The following USH2A variants were observed in gnomAD, a reference collection of about 807,000 sequenced individuals.
USH2A encodes usherin.
Under a neutral mutation model 538.9 loss-of-function variants are expected in USH2A, and 443 were observed. That is an observed-to-expected ratio of 0.82 (90% CI 0.76 to 0.89). The LOEUF is 0.89. Among genes scored for constraint, USH2A ranks in the 40% least tolerant of loss-of-function variants. The pLI is 0.00. For synonymous variants in USH2A, 2,413 were observed against 2,273.5 expected, an observed-to-expected ratio of 1.06 and a Z score of -1.75; for missense variants, 6,633 against 6,324.8, an observed-to-expected ratio of 1.05 and a Z score of -1.65.
rs1338661803 is a variant in USH2A, at chr1:215,888,723, T to C, written c.7926A>G (p.Ile2642Met). The change falls in exon 41 of 72, where the codon ATA (isoleucine) becomes ATG (methionine). Residue 2642 changes from isoleucine to methionine, a missense_variant. Physicochemically the swap from Ile to Met is conservative, Grantham distance 10. Coordinates refer to ENST00000307340, the MANE Select transcript of USH2A (RefSeq NM_206933.4). Reference protein sequence around the residue: ...LFSDTPTSVIISWQPPTHPNG... With the variant: ...LFSDTPTSVIMSWQPPTHPNG... ...TGGGGTGGGTAGGGGGTTGCCAAGA[T>C]ATAATCACAGATGTTGGAGTATCAG... is the stretch of plus-strand genomic sequence containing the variant. The C allele has an allele frequency of 6.2e-7, 1 of 1,614,122 alleles. No homozygotes were observed. Among genetic ancestry groups the C allele is most frequent in the South Asian group, 1.1e-5 (1 of 91,082 alleles).
chr1:215,801,844 G>A (rs1662343550), intron 49 of USH2A, among the ~76,000 whole-genome samples: 1 of 151,966 alleles, frequency 6.6e-6, no homozygotes, highest in Non-Finnish European at 1.5e-5. Flanking sequence ...CAAAGTTGGA[G>A]ATCTCCCACT....
rs148848581 is a variant in USH2A at position 216,325,400 on chromosome 1, C to T, written c.1048G>A (p.Val350Ile). ...ACATTTGAAACCCATGAAGTACCAACATCATTATCATTGACAAAAGAGAGA... is the reference window on the plus strand; with the variant it reads ...ACATTTGAAACCCATGAAGTACCAATATCATTATCATTGACAAAAGAGAGA... Reference protein sequence around the residue: ...HPLSFVNDNDVGTSWVSNVFT... With the variant: ...HPLSFVNDNDIGTSWVSNVFT... The change falls in exon 6 of 72, where the codon GTT (valine) becomes ATT (isoleucine). Residue 350 changes from valine (V) to isoleucine (I), a missense_variant. Transcript: ENST00000307340. 1.3e-5 allele frequency: 21 copies of T among 1,613,902 alleles called. No individual in the cohort carries two copies. In the East Asian group the frequency reaches 4.7e-4, roughly 36 times the overall value.
chr1:216,024,256 T>A (rs1181179665), intron 32 of USH2A, among the ~76,000 whole-genome samples: 6 of 151,990 alleles, frequency 3.9e-5, no homozygotes, highest in Admixed American at 3.9e-4. Flanking sequence ...TAAACATGAG[T>A]GAATCACTGG....
intron 37 of USH2A, among the ~76,000 whole-genome samples, chr1:215,942,730 T>TA (rs1237944364): frequency 6.6e-6 from 1 of 152,170 alleles, no homozygotes; most frequent in African/African-American, 2.4e-5. Context: ...AATTCCTTCT[T>TA]AGTATAGCGC....
chr1:216,127,764 T>C (rs1448427226), intron 21 of USH2A, among the ~76,000 whole-genome samples: 19 of 152,234 alleles, frequency 1.2e-4, no homozygotes, highest in Admixed American at 1.2e-3. Context: ...AATGCTGTTG[T>C]AGCAAAACTG....
chr1:215,816,968 G>T, intron 48 of USH2A, 29 bp downstream of exon 48: 1 of 1,607,600 alleles, frequency 6.2e-7, no homozygotes, highest in Non-Finnish European at 8.5e-7. Flanking sequence ...AGAAAAACAT[G>T]GTTCACTGAT....
chr1:215,929,939 AG>A, intron 38 of USH2A, among the ~76,000 whole-genome samples: 1 of 151,804 alleles, frequency 6.6e-6, no homozygotes, highest in Non-Finnish European at 1.5e-5. Flanking sequence ...GAGGGGGTTC[AG>A]GGGAAGGAGA....
intron 11 of USH2A, among the ~76,000 whole-genome samples, chr1:216,273,073 C>T (rs2036605940): frequency 6.6e-6 from 1 of 152,018 alleles, no homozygotes; most frequent in Non-Finnish European, 1.5e-5. Flanking sequence ...GCCCAGAAGC[C>T]TCCCAAAAAA....
intron 38 of USH2A, among the ~76,000 whole-genome samples, chr1:215,922,280 C>T (rs575615505): frequency 1.8e-4 from 28 of 152,218 alleles, no homozygotes; most frequent in South Asian, 4.2e-4. Context: ...TAGTGTTCCC[C>T]AGTGCATAAA....
intron 9 of USH2A, among the ~76,000 whole-genome samples, chr1:216,310,859 T>C (rs190936779): frequency 1.2e-3 from 178 of 152,322 alleles, no homozygotes; most frequent in Admixed American, 2.4e-3. Context: ...CTTTGTCTGT[T>C]TGGAGACATC....
At chr1:215,990,927 A>G (rs1174762459) in intron 35 of USH2A, among the ~76,000 whole-genome samples, 1 of 151,736 alleles carries the variant, frequency 6.6e-6, no homozygotes, top group Non-Finnish European at 1.5e-5. Flanking sequence ...ATGCCCGGCT[A>G]ATTTTTTGTA....
chr1:215,810,556 A>G (rs1337869663), intron 49 of USH2A, among the ~76,000 whole-genome samples: 1 of 152,176 alleles, frequency 6.6e-6, no homozygotes, highest in Non-Finnish European at 1.5e-5. Flanking sequence ...GGAAATGAAA[A>G]CACTATTACT....
intron 3 of USH2A, among the ~76,000 whole-genome samples, chr1:216,398,264 G>A (rs930408542): frequency 6.6e-6 from 1 of 152,098 alleles, no homozygotes; most frequent in Non-Finnish European, 1.5e-5. Context: ...ACAAATAAGT[G>A]TAAGATGACT....
chr1:216,420,389 G>T (rs1045334502), intron 2 of USH2A, among the ~76,000 whole-genome samples: 1 of 151,996 alleles, frequency 6.6e-6, no homozygotes, highest in Non-Finnish European at 1.5e-5. Flanking sequence ...TTAGGAACTG[G>T]ATTTATTCTG....
intron 11 of USH2A, among the ~76,000 whole-genome samples, chr1:216,277,917 G>A (rs959650731): frequency 1.3e-5 from 2 of 152,072 alleles, no homozygotes; most frequent in African/African-American, 4.8e-5. Flanking sequence ...AAGGAGGTAG[G>A]AACAGCTGTC....
intron 32 of USH2A, among the ~76,000 whole-genome samples, chr1:216,003,978 C>G (rs900991883): frequency 1.3e-5 from 2 of 152,072 alleles, no homozygotes; most frequent in Non-Finnish European, 2.9e-5. Context: ...AAAGGCAAAG[C>G]TAACAGGATT....
At chr1:216,175,070 T>A (rs1306565547) in intron 21 of USH2A, 182 bp downstream of exon 21, 2 of 1,434,492 alleles carry the variant, frequency 1.4e-6, no homozygotes, top group Non-Finnish European at 1.8e-6. Flanking sequence ...CTTACCTGAC[T>A]TTTTTCCCCA....
At chr1:215,652,741 T>C (rs1167007015) in intron 64 of USH2A, among the ~76,000 whole-genome samples, 2 of 152,182 alleles carry the variant, frequency 1.3e-5, no homozygotes, top group Non-Finnish European at 2.9e-5. Flanking sequence ...GGACACCTAT[T>C]ATTACACAAT....
chr1:216,189,805 C>T (rs972578775), intron 20 of USH2A, among the ~76,000 whole-genome samples: 13 of 151,932 alleles, frequency 8.6e-5, no homozygotes, highest in African/African-American at 3.1e-4. Context: ...GGTATCCTAA[C>T]GTCCTCATAA....
Sources: gnomAD v4.1 joint callset for allele counts (sites outside exome capture counted in the v4.1 genomes callset) on GRCh38, gnomAD v4.1.1 for gene constraint, MANE v1.5 for transcripts, NCBI Gene and HGNC (gene_info 2026-07-23, HGNC 2026-07-21) for gene names.